The following POLE variants were observed in gnomAD, a reference collection of about 807,000 sequenced individuals.
POLE encodes the protein DNA polymerase epsilon, catalytic subunit.
POLE carries 188 observed loss-of-function variants against 279.2 expected under a neutral mutation model. That is an observed-to-expected ratio of 0.67 (90% CI 0.60 to 0.76). The LOEUF (loss-of-function observed/expected upper bound fraction) is 0.76, where lower values mean the gene tolerates loss of function less well. POLE is among the 30% of genes least tolerant of loss of function. The pLI is 0.00. For synonymous variants in POLE, 1,214 were observed against 1,172.5 expected (o/e 1.04, Z -0.72); for missense variants, 2,703 against 3,016.7 (o/e 0.90, Z 2.44).
chr12:132,628,090 T>TC (rs2041869599), intron 45 of POLE, among the ~76,000 whole-genome samples: 1 of 152,188 alleles, frequency 6.6e-6, no homozygotes, highest in Admixed American at 6.5e-5. Flanking sequence ...ACGCCTGTAA[T>TC]CCCAGCACTT....
intron 32 of POLE, among the ~76,000 whole-genome samples, chr12:132,644,233 C>CACACAGTTACAGAAATACAGAAA: frequency 6.6e-6 from 1 of 152,008 alleles, no homozygotes; most frequent in African/African-American, 2.4e-5. Context: ...GTGATCACAG[C>CACACAGTTACAGAAATACAGAAA]TCACTGCAGC....
chr12:132,673,421 G>C, intron 13 of POLE, 144 bp from the exon 14 acceptor site: 1 of 1,243,530 alleles, frequency 8.0e-7, no homozygotes, highest in Non-Finnish European at 1.2e-6. Context: ...CGTGTGTCCC[G>C]GAGACACAGC....
At position 132,642,367 on chromosome 12, in the gene POLE, T is replaced by C. The variant is rs878854880; in HGVS notation, c.4983A>G (p.Pro1661=). ...CGGAGCCGAATGTGGAGATGTCCTCTGGTAGGTTCCCAATGGGAATGTGAA... is the reference window on the plus strand; with the variant it reads ...CGGAGCCGAATGTGGAGATGTCCTCCGGTAGGTTCCCAATGGGAATGTGAA... ...RYFHIPIGNL[P]EDISTFGSDL... Residue 1661 remains proline (P), a synonymous_variant, in exon 38 of 49, where the codon CCA becomes CCG. Coordinates refer to ENST00000320574, the MANE Select transcript of POLE (RefSeq NM_006231.4). The C allele has an allele frequency of 2.5e-6, 4 of 1,581,982 alleles. No homozygotes were observed.
intron 29 of POLE, among the ~76,000 whole-genome samples, chr12:132,655,854 A>G (rs775057025): frequency 3.3e-5 from 5 of 152,102 alleles, no homozygotes; most frequent in Admixed American, 2.6e-4. Context: ...TCTTTTCAAT[A>G]TAACTCTTGA....
At chr12:132,671,678 G>GAAAAAA (rs59237637) in intron 16 of POLE, among the ~76,000 whole-genome samples, 4 of 72,542 alleles carry the variant, frequency 5.5e-5, no homozygotes, top group African/African-American at 1.1e-4. Flanking sequence ...CTCAAAAAGG[G>GAAAAAA]AAAAAAAAAA....
intron 14 of POLE, 54 bp from the exon 15 acceptor site, chr12:132,672,893 G>A (rs777928333): frequency 3.9e-5 from 58 of 1,498,546 alleles, no homozygotes; most frequent in Non-Finnish European, 5.1e-5. Flanking sequence ...GCCCTGACTT[G>A]CAGGCAAAGT....
At chr12:132,652,166 G>A (rs1042206149) in intron 29 of POLE, among the ~76,000 whole-genome samples, 5 of 151,970 alleles carry the variant, frequency 3.3e-5, no homozygotes, top group African/African-American at 1.2e-4. Context: ...TCAACATTCT[G>A]CCTTTCTTGT....
At position 132,639,020 on chromosome 12, in the gene POLE, C is replaced by T. The variant is rs2042087635; in HGVS notation, c.5552+105G>A. 1.1e-6 allele frequency: 1 copy of T among 945,062 alleles called. No individual in the cohort carries two copies. Among genetic ancestry groups the T allele is most frequent in the South Asian group, 1.5e-5 (1 of 66,938 alleles). The allele number at this position is 945,062 out of a possible 1,614,324, so 58.5% of individuals were successfully genotyped here. Reference sequence around the variant, plus strand: ...TATGCTCCACAAACTCAGAAATACACTACTTATCCCAGAGGCACTGGCTGG... The same window carrying T: ...TATGCTCCACAAACTCAGAAATACATTACTTATCCCAGAGGCACTGGCTGG... On this transcript the variant is annotated intron_variant, in intron 40 of 48. Transcript: ENST00000320574. This position sits in a 1 kb window ranked among gnomAD's most constrained non-coding sequence, Gnocchi z 4.7.
At chr12:132,644,780 G>A (rs1451690592) in intron 32 of POLE, among the ~76,000 whole-genome samples, 8 of 102,560 alleles carry the variant, frequency 7.8e-5, no homozygotes, top group Non-Finnish European at 1.6e-4. Context: ...AGCTCCCTGT[G>A]TGGGGTCCTG....
intron 32 of POLE, among the ~76,000 whole-genome samples, chr12:132,646,498 C>T (rs1031498144): frequency 5.4e-5 from 8 of 149,420 alleles, no homozygotes; most frequent in African/African-American, 1.7e-4. Flanking sequence ...CAAATAACAT[C>T]ATTTTGTTCA....
rs1257807287 is a variant in POLE, at chr12:132,642,983, T to C, written c.4565A>G (p.Gln1522Arg). ...VFVLDTVRSNQMPSLGALYSA... is the reference protein window; with the variant it reads ...VFVLDTVRSNRMPSLGALYSA... ...GTACAGGGCGCCAAGGCTGGGCATCTGGTTGCTGCGCACCTAGACCAACGC... is the reference window on the plus strand; with the variant it reads ...GTACAGGGCGCCAAGGCTGGGCATCCGGTTGCTGCGCACCTAGACCAACGC... Residue 1522 changes from glutamine to arginine, a missense_variant, in exon 36 of 49, where the codon CAG becomes CGG. Physicochemically the swap from Gln to Arg is conservative, Grantham distance 43. Around this residue, in one of 5 missense-constraint regions of POLE, gnomAD observed 1,551 missense variants for 1,686.1 expected, o/e 0.92. Transcript: ENST00000320574. 3 of 1,593,268 alleles carry C rather than the reference T, an allele frequency of 1.9e-6. No individual in the cohort carries two copies. The highest frequency in any genetic ancestry group is 2.6e-6 in the Non-Finnish European group (3 of 1,173,546).
At chr12:132,637,928 C>G in intron 41 of POLE, 86 bp downstream of exon 41, 1 of 1,484,544 alleles carries the variant, frequency 6.7e-7, no homozygotes, top group Non-Finnish European at 9.2e-7. Flanking sequence ...CCAGCCCACC[C>G]AGGAGGAGAG....
chr12:132,670,928 A>C (rs1337368199), intron 16 of POLE, among the ~76,000 whole-genome samples: 1 of 152,222 alleles, frequency 6.6e-6, no homozygotes, highest in African/African-American at 2.4e-5. Context: ...AAGAGTGTAC[A>C]CATATTCTTG....
chr12:132,674,114 C>T (rs918735285), intron 12 of POLE, among the ~76,000 whole-genome samples: 2 of 151,990 alleles, frequency 1.3e-5, no homozygotes, highest in Admixed American at 6.6e-5. Context: ...TCAAGCCCAC[C>T]CTCCTTTAAT....
chr12:132,642,983 T>G lies in POLE; in HGVS notation c.4565A>C (p.Gln1522Pro). 6.3e-7 allele frequency: 1 copy of G among 1,593,268 alleles called. No individual in the cohort carries two copies. The highest frequency in any genetic ancestry group is 1.1e-5 in the South Asian group (1 of 87,908). The change falls in exon 36 of 49, where the codon CAG becomes CCG. Residue 1522 changes from glutamine (Q) to proline (P), a missense_variant. Around this residue, in one of 5 missense-constraint regions of POLE, gnomAD observed 1,551 missense variants for 1,686.1 expected, o/e 0.92. Transcript: ENST00000320574. The stretch of plus-strand genomic sequence containing the variant: ...GTACAGGGCGCCAAGGCTGGGCATC[T>G]GGTTGCTGCGCACCTAGACCAACGC... ...VFVLDTVRSN[Q>P]MPSLGALYSA...
Position 132,675,803 on chromosome 12 carries a change from C to T in POLE, c.1038G>A (p.Arg346=), listed in dbSNP as rs1193021447. The part of the protein sequence containing the change: ...NEPDEAHLIQ[R]WFEHVQETKP... ...TGGTCTCCTGGACGTGTTCAAACCACCTTTGGATCAGATGAGCCTGAACCC... is the reference window on the plus strand; with the variant it reads ...TGGTCTCCTGGACGTGTTCAAACCATCTTTGGATCAGATGAGCCTGAACCC... The change falls in exon 11 of 49, where the codon AGG becomes AGA. Residue 346 remains arginine (R), a synonymous_variant. Transcript: ENST00000320574. The surrounding 1 kb of genome is among the most constrained non-coding windows in gnomAD (Gnocchi z 4.3). The T allele has an allele frequency of 6.2e-7, 1 of 1,614,074 alleles. No individual in the cohort carries two copies. Among genetic ancestry groups the T allele is most frequent in the South Asian group, 1.1e-5 (1 of 91,080 alleles).
At chr12:132,655,521 A>T (rs889750291) in intron 29 of POLE, among the ~76,000 whole-genome samples, 17 of 152,220 alleles carry the variant, frequency 1.1e-4, no homozygotes, top group African/African-American at 4.1e-4. Flanking sequence ...GTCATTCCAA[A>T]CATATTTTTG....
In POLE at chr12:132,687,320, C is replaced by G; in HGVS notation, c.-5G>C. ...CCCGCCGCTCCTCAGAGACATGGAG[C>G]CGTTGGCTACCACCTCTGCTTCAGG... On this transcript the variant is annotated 5_prime_UTR_variant, in exon 1 of 49. Transcript: ENST00000320574. 1 of 1,499,654 alleles carries G rather than the reference C, an allele frequency of 6.7e-7. No homozygotes were observed. Among genetic ancestry groups the G allele is most frequent in the Non-Finnish European group, 8.9e-7 (1 of 1,123,734 alleles). The allele number at this position is 1,499,654 out of a possible 1,614,324, so 92.9% of individuals were successfully genotyped here.
rs1482006787 is a variant in POLE at position 132,660,833 on chromosome 12, G to A, written c.3060+136C>T. The stretch of plus-strand genomic sequence containing the variant: ...TCCAAGGGGGTAATTGTGCTCAGGA[G>A]GTCTTGGGATTTCATTAGGACTGGC... On this transcript the variant is annotated intron_variant, in intron 25 of 48. Transcript: ENST00000320574. 8 of 600,122 alleles carry A rather than the reference G, an allele frequency of 1.3e-5. No individual in the cohort carries two copies. The East Asian group carries it at 1.7e-4, about 12-fold the overall frequency. The allele number at this position is 600,122 out of a possible 1,614,324, so 37.2% of individuals were successfully genotyped here.
Sources: gnomAD v4.1 joint callset for allele counts (sites outside exome capture counted in the v4.1 genomes callset) on GRCh38, gnomAD v4.1.1 for gene constraint, gnomAD v4.1.1 regional missense constraint, Gnocchi (gnomAD v3.1) non-coding constraint, MANE v1.5 for transcripts, NCBI Gene and HGNC (gene_info 2026-07-23, HGNC 2026-07-21) for gene names.